The following ADAMTS15 variants were observed in gnomAD, a reference collection of about 807,000 sequenced individuals.
ADAMTS15 encodes ADAM metallopeptidase with thrombospondin type 1 motif 15.
ADAMTS15 carries 35 observed loss-of-function variants against 79.1 expected under a neutral mutation model. The ratio of observed to expected loss-of-function variants is 0.44; its 90% confidence interval spans 0.34 to 0.59. The LOEUF (loss-of-function observed/expected upper bound fraction) is 0.59, where lower values mean the gene tolerates loss of function less well. Ranked by LOEUF, ADAMTS15 falls within the 20% of genes least tolerant of loss-of-function variation. The pLI, the probability that ADAMTS15 is intolerant of heterozygous loss-of-function variation, is 0.02. For synonymous variants in ADAMTS15, 616 were observed against 567.3 expected (o/e 1.09, Z -1.22); for missense variants, 1,324 against 1,318.7 (o/e 1.00, Z -0.06).
At chr11:130,455,078 T>A (rs1168193912) in intron 1 of ADAMTS15, among the ~76,000 whole-genome samples, 1 of 152,072 alleles carries the variant, frequency 6.6e-6, no homozygotes, top group Non-Finnish European at 1.5e-5. Flanking sequence ...GCAATGGACA[T>A]TGCGTGAGTC....
rs1261983113 is a variant in ADAMTS15 at position 130,449,434 on chromosome 11, C to T, written c.461C>T (p.Ala154Val). 5 of 1,591,170 alleles carry T rather than the reference C, an allele frequency of 3.1e-6. No individual in the cohort carries two copies. Among genetic ancestry groups the T allele is most frequent in the Non-Finnish European group, 3.4e-6 (4 of 1,172,650 alleles). Residue 154 changes from alanine to valine, a missense_variant, in exon 1 of 8, where the codon GCA becomes GTA. Transcript: ENST00000299164. This position sits in a 1 kb window ranked among gnomAD's most constrained non-coding sequence, Gnocchi z 7.8. ...APAAQRNSQG[A>V]HLLQRRGVPG... ...GCGGCGCAGCGCAACAGCCAGGGCGCACACCTTCTCCAGCGCCGGGGTGTT... is the reference window on the plus strand; with the variant it reads ...GCGGCGCAGCGCAACAGCCAGGGCGTACACCTTCTCCAGCGCCGGGGTGTT...
In ADAMTS15 at chr11:130,449,529, C is replaced by T; in HGVS notation, c.556C>T (p.Arg186Trp). The T allele has an allele frequency of 6.4e-7, 1 of 1,563,048 alleles. No individual in the cohort carries two copies. Among genetic ancestry groups the T allele is most frequent in the South Asian group, 1.2e-5 (1 of 82,618 alleles). Residue 186 changes from arginine (R) to tryptophan (W), a missense_variant, in exon 1 of 8, where the codon CGG becomes TGG. Coordinates refer to ENST00000299164, the MANE Select transcript of ADAMTS15 (RefSeq NM_139055.4). The surrounding 1 kb of genome is among the most constrained non-coding windows in gnomAD (Gnocchi z 7.8). ...VASGWNPAIL[R>W]ALDPYKPRRA... ...CTCGGGCTGGAACCCCGCCATCCTA[C>T]GGGCCCTGGACCCTTACAAGCCGCG...
At position 130,449,417 on chromosome 11, in the gene ADAMTS15, G is replaced by A; in HGVS notation, c.444G>A (p.Gln148=). The change falls in exon 1 of 8, where the codon CAG becomes CAA. Residue 148 remains glutamine, a synonymous_variant. Coordinates refer to ENST00000299164, the MANE Select transcript of ADAMTS15 (RefSeq NM_139055.4). This position sits in a 1 kb window ranked among gnomAD's most constrained non-coding sequence, Gnocchi z 7.8. Reference sequence around the variant, plus strand: ...CCAATGCTAGCGCGCCGGCGGCGCAGCGCAACAGCCAGGGCGCACACCTTC... The same window carrying A: ...CCAATGCTAGCGCGCCGGCGGCGCAACGCAACAGCCAGGGCGCACACCTTC... ...PLPNASAPAA[Q]RNSQGAHLLQ... 6.3e-7 allele frequency: 1 copy of A among 1,597,078 alleles called. No homozygotes were observed. The highest frequency in any genetic ancestry group is 8.5e-7 in the Non-Finnish European group (1 of 1,176,670).
chr11:130,473,269 G>C lies in ADAMTS15; in HGVS notation c.2301G>C (p.Glu767Asp). The change falls in exon 8 of 8, where the codon GAG (glutamate) becomes GAC (aspartate). Residue 767 changes from glutamate to aspartate, a missense_variant. Transcript: ENST00000299164. The part of the protein sequence containing the change: ...LRYSGTGTAV[E>D]SLQASRPILE... ...ACAGCGGCACGGGCACAGCGGTGGA[G>C]AGCCTGCAGGCTTCCCGGCCCATCC... 6.2e-7 allele frequency: 1 copy of C among 1,613,390 alleles called. No individual in the cohort carries two copies.
chr11:130,470,151 T>TATAC (rs1565397596), intron 5 of ADAMTS15, among the ~76,000 whole-genome samples: 5 of 56,326 alleles, frequency 8.9e-5, no homozygotes, highest in Non-Finnish European at 1.7e-4. Context: ...TATATATATA[T>TATAC]GTGTATATAT....
chr11:130,460,552 C>T (rs555771122), intron 1 of ADAMTS15, among the ~76,000 whole-genome samples: 16 of 152,332 alleles, frequency 1.1e-4, no homozygotes, highest in African/African-American at 3.8e-4. Flanking sequence ...GCTGGAATTA[C>T]AGGTGTGGGC....
chr11:130,468,550 G>C (rs989123187), intron 4 of ADAMTS15, among the ~76,000 whole-genome samples: 1 of 152,060 alleles, frequency 6.6e-6, no homozygotes, highest in African/African-American at 2.4e-5. Context: ...CGGATCACGA[G>C]GTCAGGAGAT....
At chr11:130,459,003 G>C (rs565736821) in intron 1 of ADAMTS15, among the ~76,000 whole-genome samples, 2 of 151,374 alleles carry the variant, frequency 1.3e-5, no homozygotes, top group Non-Finnish European at 2.9e-5. Context: ...ACTGCTGGTC[G>C]GGTGAAGGTC....
chr11:130,452,517 T>C (rs1415634778), intron 1 of ADAMTS15, among the ~76,000 whole-genome samples: 2 of 152,226 alleles, frequency 1.3e-5, no homozygotes, highest in Non-Finnish European at 2.9e-5. Context: ...AGGCCCTCCC[T>C]CATTCCCTGA....
chr11:130,472,911 G>A lies in ADAMTS15; in HGVS notation c.2079-136G>A, dbSNP rs1311420337. 2 of 1,317,992 alleles carry A rather than the reference G, an allele frequency of 1.5e-6. No homozygotes were observed. Among genetic ancestry groups the A allele is most frequent in the African/African-American group, 1.5e-5 (1 of 68,110 alleles). The allele number at this position is 1,317,992 out of a possible 1,614,324, so 81.6% of individuals were successfully genotyped here. Reference sequence around the variant, plus strand: ...ATCGCCAAGGGGCAGGGACCTCTCTGACTCCAAAACCTGTGCTTTTACTCC... The same window carrying A: ...ATCGCCAAGGGGCAGGGACCTCTCTAACTCCAAAACCTGTGCTTTTACTCC... On this transcript the variant is annotated intron_variant, in intron 7 of 7. Coordinates refer to ENST00000299164, the MANE Select transcript of ADAMTS15 (RefSeq NM_139055.4). This position sits in a 1 kb window ranked among gnomAD's most constrained non-coding sequence, Gnocchi z 4.7.
At chr11:130,468,968 G>GAAAAAAAAAAAAAAAAAA (rs1938365316) in intron 4 of ADAMTS15, among the ~76,000 whole-genome samples, 4 of 135,008 alleles carry the variant, frequency 3.0e-5, no homozygotes, top group African/African-American at 9.2e-5. Context: ...AAAAAAAAAG[G>GAAAAAAAAAAAAAAAAAA]AAAACACATC....
chr11:130,450,082 A>G lies in ADAMTS15; in HGVS notation c.957+152A>G, dbSNP rs1041601760. 8 of 1,452,308 alleles carry G rather than the reference A, an allele frequency of 5.5e-6. No homozygotes were observed. In the Admixed American group the frequency reaches 2.1e-4, roughly 38 times the overall value. The allele number at this position is 1,452,308 out of a possible 1,614,324, so 90.0% of individuals were successfully genotyped here. On this transcript the variant is annotated intron_variant, in intron 1 of 7. Coordinates refer to ENST00000299164, the MANE Select transcript of ADAMTS15 (RefSeq NM_139055.4). Reference sequence around the variant, plus strand: ...CTCCAACTCTGTGGAGTTTCCAGGGAGAGCCCTCTCCCACGCTCCGCGGAG... The same window carrying G: ...CTCCAACTCTGTGGAGTTTCCAGGGGGAGCCCTCTCCCACGCTCCGCGGAG...
In ADAMTS15 at chr11:130,472,805, G is replaced by T. The variant is rs989911416; in HGVS notation, c.2079-242G>T. ...TGGACTCAGTCCTCCCTGCAATTCA[G>T]TGAGGTGTGTGGAATTCTGAGCTCC... is the stretch of plus-strand genomic sequence containing the variant. On this transcript the variant is annotated intron_variant, in intron 7 of 7. Coordinates refer to ENST00000299164, the MANE Select transcript of ADAMTS15 (RefSeq NM_139055.4). This position sits in a 1 kb window ranked among gnomAD's most constrained non-coding sequence, Gnocchi z 4.7. Among the ~76,000 whole-genome samples the T allele has an allele frequency of 6.6e-6, 1 of 152,170 alleles. No individual in the cohort carries two copies. Among genetic ancestry groups the T allele is most frequent in the Non-Finnish European group, 1.5e-5 (1 of 68,042 alleles).
chr11:130,469,406 C>A lies in ADAMTS15; in HGVS notation c.1687C>A (p.Arg563=). 1 of 1,348,648 alleles carries A rather than the reference C, an allele frequency of 7.4e-7. No individual in the cohort carries two copies. The highest frequency in any genetic ancestry group is 9.6e-7 in the Non-Finnish European group (1 of 1,041,112). The allele number at this position is 1,348,648 out of a possible 1,614,324, so 83.5% of individuals were successfully genotyped here. The change falls in exon 5 of 8, where the codon CGA becomes AGA. Residue 563 remains arginine (R), a synonymous_variant. Coordinates refer to ENST00000299164, the MANE Select transcript of ADAMTS15 (RefSeq NM_139055.4). ...KYCEGVRVKY[R]SCNLEPCPSS... Reference sequence around the variant, plus strand: ...CTGCGAGGGAGTGAGGGTGAAATACCGATCCTGCAATCTGGAGCCCTGCCC... The same window carrying A: ...CTGCGAGGGAGTGAGGGTGAAATACAGATCCTGCAATCTGGAGCCCTGCCC...
intron 4 of ADAMTS15, among the ~76,000 whole-genome samples, chr11:130,468,780 A>T (rs1310543461): frequency 3.4e-5 from 5 of 148,066 alleles, no homozygotes; most frequent in South Asian, 4.3e-4. Flanking sequence ...AAAAAAAAAA[A>T]AAAATAATTA....
chr11:130,473,583 A>G lies in ADAMTS15; in HGVS notation c.2615A>G (p.Gln872Arg), dbSNP rs2134743487. Residue 872 changes from glutamine to arginine, a missense_variant, in exon 8 of 8, where the codon CAG becomes CGG. Transcript: ENST00000299164. ...RAVDCRGSAG[Q>R]RTVPACDAAH... ...GTGGACTGCCGGGGCTCCGCCGGGC[A>G]GCGCACGGTCCCTGCCTGTGATGCA... The G allele has an allele frequency of 1.2e-6, 2 of 1,605,296 alleles. No individual in the cohort carries two copies. The highest frequency in any genetic ancestry group is 2.7e-5 in the African/African-American group (2 of 74,882).
intron 1 of ADAMTS15, among the ~76,000 whole-genome samples, chr11:130,451,210 G>T (rs895884914): frequency 3.3e-5 from 5 of 152,126 alleles, no homozygotes; most frequent in Non-Finnish European, 5.9e-5. Context: ...AGCACTCTGG[G>T]GATGGCGTGG....
chr11:130,461,867 A>G (rs563921075), intron 2 of ADAMTS15, among the ~76,000 whole-genome samples: 1 of 152,266 alleles, frequency 6.6e-6, no homozygotes, highest in South Asian at 2.1e-4. Flanking sequence ...TGTTAACGAC[A>G]AGGAGGTACA....
chr11:130,467,044 G>T (rs1380855220), intron 4 of ADAMTS15, among the ~76,000 whole-genome samples: 1 of 152,172 alleles, frequency 6.6e-6, no homozygotes, highest in Non-Finnish European at 1.5e-5. Context: ...ATTGCTCTGA[G>T]GGCAGGTACT....
Sources: allele counts gnomAD v4.1 joint callset (sites outside exome capture counted in the v4.1 genomes callset), GRCh38; gene constraint gnomAD v4.1.1; non-coding constraint Gnocchi (gnomAD v3.1); transcripts MANE v1.5; gene names NCBI Gene and HGNC (gene_info 2026-07-23, HGNC 2026-07-21).